Variants in BTNL9 observed in about 807,000 individuals in gnomAD.
BTNL9 encodes the protein butyrophilin like 9.
A neutral mutation model predicts 45.8 loss-of-function variants in BTNL9; 45 were observed. The observed-to-expected ratio is 0.98, with a 90% CI of 0.77 to 1.26. The LOEUF is 1.26. Ranked by LOEUF, BTNL9 falls within the 50% of genes most tolerant of loss-of-function variation. The pLI is 0.00. For synonymous variants in BTNL9, 346 were observed against 330.8 expected, an observed-to-expected ratio of 1.05 and a Z score of -0.50; for missense variants, 784 against 729.7, an observed-to-expected ratio of 1.07 and a Z score of -0.86.
rs574247806 is a variant in BTNL9, at chr5:181,055,596, C to T, written c.928+143C>T. The T allele has an allele frequency of 4.1e-4, 400 of 977,346 alleles. No homozygotes were observed. Among genetic ancestry groups the T allele is most frequent in the Non-Finnish European group, 5.8e-4 (365 of 626,238 alleles). 60.5% of individuals were successfully genotyped at this position (977,346 alleles called of 1,614,324 possible). A position where few individuals can be genotyped will look rare whatever the true frequency, so the allele number is the denominator to read the frequency against. On this transcript the variant is annotated intron_variant, in intron 8 of 10. Transcript: ENST00000327705. This position sits in a 1 kb window ranked among gnomAD's most constrained non-coding sequence, Gnocchi z 4.4. ...CAGCCTGGCTAACACAGTGAAACCC[C>T]GTCTCTTCTAAAAATACAAAAAATT...
At chr5:181,045,165 T>G (rs1761027343) in intron 1 of BTNL9, among the ~76,000 whole-genome samples, 1 of 152,182 alleles carries the variant, frequency 6.6e-6, no homozygotes, top group Admixed American at 6.5e-5. Context: ...ATTGTGTGGC[T>G]CTATTCCTGG....
chr5:181,053,475 T>G lies in BTNL9; in HGVS notation c.860T>G (p.Leu287Arg), dbSNP rs764401743. Residue 287 changes from leucine (L) to arginine (R), a missense_variant, in exon 6 of 11, where the codon CTG (leucine) becomes CGG (arginine). Physicochemically the swap from Leu to Arg is moderately radical, Grantham distance 102. Coordinates refer to ENST00000327705, the MANE Select transcript of BTNL9 (RefSeq NM_152547.5). The surrounding 1 kb of genome is among the most constrained non-coding windows in gnomAD (Gnocchi z 6.5). ...LRKQRRSREK[L>R]RKQAEKRQEK... ...CGCTCCCGTTTCCCTTCAGAAAAGC[T>G]GAGGAAGCAGGCGGAGAAGAGACAA... is the stretch of plus-strand genomic sequence containing the variant. 9 of 1,577,616 alleles carry G rather than the reference T, an allele frequency of 5.7e-6. No homozygotes were observed. In the South Asian group the frequency reaches 8.1e-5, roughly 14 times the overall value.
At position 181,059,614 on chromosome 5, in the gene BTNL9, G is replaced by C. The variant is rs979201957; in HGVS notation, c.1360G>C (p.Asp454His). ...VPPRRLGVFL[D>H]YEAGELSFFN... is the part of the protein sequence containing the mutation. ...CCCGCGGCGCCTGGGCGTCTTCCTG[G>C]ACTACGAGGCCGGAGAGCTGTCCTT... Residue 454 changes from aspartate to histidine, a missense_variant, in exon 11 of 11, where the codon GAC (aspartate) becomes CAC (histidine). Asp to His is a moderately conservative substitution (Grantham distance 81). Coordinates refer to ENST00000327705, the MANE Select transcript of BTNL9 (RefSeq NM_152547.5). The C allele has an allele frequency of 3.7e-6, 6 of 1,613,486 alleles. No individual in the cohort carries two copies. The highest frequency in any genetic ancestry group is 5.1e-6 in the Non-Finnish European group (6 of 1,179,940).
intron 1 of BTNL9, 47 bp from the exon 2 acceptor site, chr5:181,045,419 TC>T (rs76366126): frequency 0.11 from 105,082 of 982,268 alleles, 6,417 homozygotes; most frequent in South Asian, 0.17. Context: ...GAGTTCCAGC[TC>T]CCCCTACCTT....
intron 2 of BTNL9, 98 bp downstream of exon 2, chr5:181,045,696 C>A: frequency 1.0e-6 from 1 of 964,068 alleles, no homozygotes; most frequent in Non-Finnish European, 1.6e-6. Flanking sequence ...CAGGGCGTGC[C>A]AGACGCTAAA....
chr5:181,055,245 TA>T lies in BTNL9; in HGVS notation c.908-186del. On this transcript the variant is annotated intron_variant, in intron 7 of 10. Coordinates refer to ENST00000327705, the MANE Select transcript of BTNL9 (RefSeq NM_152547.5). This position sits in a 1 kb window ranked among gnomAD's most constrained non-coding sequence, Gnocchi z 4.4. The stretch of plus-strand genomic sequence containing the variant: ...CTTTGAGCTAAGATAGGATGAGGCA[TA>T]AGAGTCCTGCAGATGGGCCTCTTTT... 1 of 1,458,964 alleles carries T rather than the reference TA, an allele frequency of 6.9e-7. No homozygotes were observed. The highest frequency in any genetic ancestry group is 2.6e-5 in the Admixed American group (1 of 37,988). The allele number at this position is 1,458,964 out of a possible 1,614,324, so 90.4% of individuals were successfully genotyped here. A position where few individuals can be genotyped will look rare whatever the true frequency, so the allele number is the denominator to read the frequency against.
chr5:181,041,050 A>G (rs1277045590), intron 1 of BTNL9, among the ~76,000 whole-genome samples: 1 of 152,250 alleles, frequency 6.6e-6, no homozygotes, highest in South Asian at 2.1e-4. Context: ...AGCAAAAAAT[A>G]CTTCCTGTGT....
rs748958716 is a variant in BTNL9, at chr5:181,048,151, G to A, written c.334G>A (p.Ala112Thr). The change falls in exon 3 of 11, where the codon GCC becomes ACC. Residue 112 changes from alanine to threonine, a missense_variant. Physicochemically the swap from Ala to Thr is moderately conservative, Grantham distance 58 (BLOSUM62 0). Coordinates refer to ENST00000327705, the MANE Select transcript of BTNL9 (RefSeq NM_152547.5). ...GACCAAGTTGGTCAAGGACGACATC[G>A]CCTATGGCAGCGTGGTCCTGCAGCT... The part of the protein sequence containing the change: ...NRTKLVKDDI[A>T]YGSVVLQLHS... The A allele has an allele frequency of 6.8e-6, 11 of 1,613,426 alleles. No individual in the cohort carries two copies. The highest frequency in any genetic ancestry group is 1.6e-4 in the Middle Eastern group (1 of 6,084).
chr5:181,046,442 A>G (rs973572582), intron 2 of BTNL9, among the ~76,000 whole-genome samples: 7 of 152,168 alleles, frequency 4.6e-5, no homozygotes, highest in African/African-American at 1.7e-4. Context: ...TGCTGAACCC[A>G]TTGATATACG....
chr5:181,048,934 A>G (rs1414400937), intron 3 of BTNL9, among the ~76,000 whole-genome samples: 1 of 105,188 alleles, frequency 9.5e-6, no homozygotes, highest in Non-Finnish European at 2.1e-5. Context: ...TATATATTAT[A>G]TAATATATAT....
At chr5:181,047,853 C>A in intron 2 of BTNL9, 74 bp from the exon 3 acceptor site, 2 of 1,269,994 alleles carry the variant, frequency 1.6e-6, no homozygotes, top group South Asian at 1.4e-5. Flanking sequence ...GATTCCTCAG[C>A]TATAAAGGGG....
chr5:181,043,649 C>A (rs1760924907), intron 1 of BTNL9, among the ~76,000 whole-genome samples: 1 of 152,246 alleles, frequency 6.6e-6, no homozygotes, highest in African/African-American at 2.4e-5. Context: ...AAGTTACTAG[C>A]TGAACACTGA....
chr5:181,054,507 C>G (rs1006734500), intron 7 of BTNL9: 1 of 985,360 alleles, frequency 1.0e-6, no homozygotes, highest in African/African-American at 1.7e-5. Context: ...AGTTAAAATT[C>G]ATCATAAAAC....
intron 4 of BTNL9, among the ~76,000 whole-genome samples, chr5:181,052,392 G>A (rs1278520250): frequency 6.6e-6 from 1 of 152,174 alleles, no homozygotes; most frequent in Non-Finnish European, 1.5e-5. Flanking sequence ...TCTGGAGATG[G>A]GCGGGGGTGA....
At chr5:181,054,781 T>G (rs565041632) in intron 7 of BTNL9, 13 of 985,266 alleles carry the variant, frequency 1.3e-5, no homozygotes, top group Non-Finnish European at 1.6e-5. Context: ...ACTGTAAGGT[T>G]GGGAAAGCTT....
chr5:181,053,488 G>A lies in BTNL9; in HGVS notation c.873G>A (p.Ala291=). The change falls in exon 6 of 11, where the codon GCG becomes GCA. Residue 291 remains alanine (A), a synonymous_variant. Coordinates refer to ENST00000327705, the MANE Select transcript of BTNL9 (RefSeq NM_152547.5). The surrounding 1 kb of genome is among the most constrained non-coding windows in gnomAD (Gnocchi z 6.5). ...CTTCAGAAAAGCTGAGGAAGCAGGC[G>A]GAGAAGAGACAAGGTGAGCGGGGAC... ...RRSREKLRKQ[A]EKRQEKLTAE... is the part of the protein sequence containing the mutation. 1.3e-6 allele frequency: 2 copies of A among 1,578,964 alleles called. No individual in the cohort carries two copies. The highest frequency in any genetic ancestry group is 1.7e-6 in the Non-Finnish European group (2 of 1,162,662).
At chr5:181,056,380 C>A (rs1044076967) in intron 9 of BTNL9, among the ~76,000 whole-genome samples, 1 of 152,142 alleles carries the variant, frequency 6.6e-6, no homozygotes, top group African/African-American at 2.4e-5. Flanking sequence ...TATATTCTTG[C>A]AAAATGTGAA....
intron 6 of BTNL9, 165 bp from the exon 7 acceptor site, chr5:181,054,074 C>T: frequency 1.3e-6 from 2 of 1,547,912 alleles, no homozygotes; most frequent in Non-Finnish European, 8.7e-7. Context: ...CCATCCCCTG[C>T]CTGGAGCCTC....
rs754599052 is a variant in BTNL9, at chr5:181,059,547, C to A, written c.1293C>A (p.Phe431Leu). The A allele has an allele frequency of 6.2e-7, 1 of 1,609,572 alleles. No homozygotes were observed. The highest frequency in any genetic ancestry group is 1.3e-5 in the African/African-American group (1 of 74,882). The change falls in exon 11 of 11, where the codon TTC (phenylalanine) becomes TTA (leucine). Residue 431 changes from phenylalanine to leucine, a missense_variant. Transcript: ENST00000327705. The part of the protein sequence containing the change: ...VLGLWNGCEY[F>L]VLAPHRVALT... ...GGCTGTGGAACGGCTGCGAGTACTT[C>A]GTCCTGGCCCCGCACCGCGTCGCGC...
Sources: allele counts gnomAD v4.1 joint callset (sites outside exome capture counted in the v4.1 genomes callset), GRCh38; gene constraint gnomAD v4.1.1; non-coding constraint Gnocchi (gnomAD v3.1); transcripts MANE v1.5; gene names NCBI Gene and HGNC (gene_info 2026-07-23, HGNC 2026-07-21).